RFX3: variants seen among roughly 807,000 people sequenced by gnomAD.
RFX3 encodes the protein regulatory factor X3, also known as transcription factor RFX3.
In RFX3, 14 loss-of-function variants were observed where a neutral mutation model predicts 98.6. That is an observed-to-expected ratio of 0.14 (90% CI 0.09 to 0.22). The LOEUF is 0.22. Among genes scored for constraint, RFX3 ranks in the 10% least tolerant of loss-of-function variants. RFX3 has a pLI of 1.00. For synonymous variants in RFX3, 383 were observed against 328.4 expected, an observed-to-expected ratio of 1.17 and a Z score of -1.80; for missense variants, 639 against 926.9, an observed-to-expected ratio of 0.69 and a Z score of 4.03.
chr9:3,476,530 A>T (rs539846613), intron 1 of RFX3, among the ~76,000 whole-genome samples: 2 of 152,244 alleles, frequency 1.3e-5, no homozygotes, highest in East Asian at 3.9e-4. Flanking sequence ...AAACCAAGTC[A>T]ATTTTAGAAA....
rs190009151 is a variant in RFX3, at chr9:3,490,263, C to T, written c.-9+35484G>A. 1,156 of 896,414 alleles carry T rather than the reference C, an allele frequency of 1.3e-3. 3 individuals carry two copies. Among genetic ancestry groups the T allele is most frequent in the Non-Finnish European group, 1.2e-3 (934 of 751,504 alleles). 55.5% of individuals were successfully genotyped at this position (896,414 alleles called of 1,614,324 possible). On this transcript the variant is annotated intron_variant, in intron 1 of 16. Coordinates refer to ENST00000617270, the MANE Select transcript of RFX3 (RefSeq NM_001282116.2). ...CACACAGTTCATTATTTATAAAGAACATGTGTTCAAATTACCTCATATTCC... is the reference window on the plus strand; with the variant it reads ...CACACAGTTCATTATTTATAAAGAATATGTGTTCAAATTACCTCATATTCC...
intron 4 of RFX3, among the ~76,000 whole-genome samples, chr9:3,319,176 T>C (rs1830976102): frequency 6.6e-6 from 1 of 152,226 alleles, no homozygotes; most frequent in Non-Finnish European, 1.5e-5. Flanking sequence ...AACAGGCTTT[T>C]AAAGTGTGGT....
At chr9:3,448,686 T>C (rs1044186136) in intron 1 of RFX3, among the ~76,000 whole-genome samples, 2 of 152,076 alleles carry the variant, frequency 1.3e-5, no homozygotes, top group South Asian at 2.1e-4. Context: ...ATCTGGCCAA[T>C]TCTTCAAATT....
intron 2 of RFX3, among the ~76,000 whole-genome samples, chr9:3,378,555 C>G (rs149005372): frequency 8.0e-6 from 1 of 125,088 alleles, no homozygotes; most frequent in South Asian, 2.6e-4. Flanking sequence ...TTTTTTCTTT[C>G]TTTTTTTTTT....
intron 4 of RFX3, among the ~76,000 whole-genome samples, chr9:3,308,122 T>A (rs748457625): frequency 3.3e-5 from 5 of 152,150 alleles, no homozygotes; most frequent in East Asian, 1.9e-4. Context: ...CTATATGTAA[T>A]CTATTAAATG....
chr9:3,508,956 GAC>G (rs373440025), intron 1 of RFX3, among the ~76,000 whole-genome samples: 18 of 147,648 alleles, frequency 1.2e-4, no homozygotes, highest in Non-Finnish European at 2.0e-4. Context: ...GTAAAACACA[GAC>G]ACACACACAC....
intron 4 of RFX3, among the ~76,000 whole-genome samples, chr9:3,310,069 C>T (rs1281394183): frequency 6.6e-6 from 1 of 152,182 alleles, no homozygotes; most frequent in Non-Finnish European, 1.5e-5. Context: ...TTCAGTAAAA[C>T]CTATGCCACT....
chr9:3,346,801 G>A (rs980096821), intron 2 of RFX3, 37 bp from the exon 3 acceptor site: 3 of 1,276,750 alleles, frequency 2.3e-6, no homozygotes, highest in African/African-American at 1.5e-5. Context: ...TAAGAGGTAG[G>A]TATGATAGGA....
chr9:3,415,212 TACTC>T (rs1842884071), intron 1 of RFX3, among the ~76,000 whole-genome samples: 1 of 126,650 alleles, frequency 7.9e-6, no homozygotes, highest in African/African-American at 3.7e-5. Flanking sequence ...TATATATACA[TACTC>T]ATATATATAT....
intron 4 of RFX3, among the ~76,000 whole-genome samples, chr9:3,325,162 C>T (rs1465010919): frequency 1.3e-5 from 2 of 151,980 alleles, no homozygotes; most frequent in African/African-American, 2.4e-5. Flanking sequence ...CCATTGGTAA[C>T]GTAGCAGCAA....
chr9:3,504,230 CTATAT>C (rs887844478), intron 1 of RFX3, among the ~76,000 whole-genome samples: 5 of 120,324 alleles, frequency 4.2e-5, no homozygotes, highest in Admixed American at 1.9e-4. Context: ...ATATTATATA[CTATAT>C]ATTATATATA....
intron 1 of RFX3, among the ~76,000 whole-genome samples, chr9:3,445,208 T>C (rs964828344): frequency 2.0e-5 from 3 of 149,644 alleles, no homozygotes; most frequent in African/African-American, 4.9e-5. Context: ...TTCAAATGTG[T>C]ATTTGTCTGT....
rs183248361 is a variant in RFX3 at position 3,242,773 on chromosome 9, A to C, written c.1968+5259T>G. On this transcript the variant is annotated intron_variant, in intron 15 of 16. Coordinates refer to ENST00000617270, the MANE Select transcript of RFX3 (RefSeq NM_001282116.2). ...TCCAAGACATTTTTCTTTTGATGTT[A>C]AATTGTTACAGGTTAAATTTTTCTC... 2.0e-5 allele frequency among the ~76,000 whole-genome samples: 3 copies of C among 152,200 alleles called. No individual in the cohort carries two copies. The East Asian group carries it at 5.8e-4, about 29-fold the overall frequency.
At chr9:3,510,228 G>A (rs753715081) in intron 1 of RFX3, among the ~76,000 whole-genome samples, 10 of 151,958 alleles carry the variant, frequency 6.6e-5, no homozygotes, top group Non-Finnish European at 1.2e-4. Context: ...CACTGAGAAA[G>A]AAAGATACTC....
intron 8 of RFX3, 129 bp from the exon 9 acceptor site, chr9:3,275,741 C>CCCCTGCT: frequency 1.9e-6 from 1 of 530,726 alleles, no homozygotes; most frequent in Non-Finnish European, 3.4e-6. Flanking sequence ...AGAGCAAGGA[C>CCCCTGCT]ATTTTATATT....
intron 7 of RFX3, among the ~76,000 whole-genome samples, chr9:3,280,590 T>G (rs1367509753): frequency 1.3e-5 from 2 of 151,788 alleles, no homozygotes; most frequent in African/African-American, 4.8e-5. Context: ...AACAATCACA[T>G]TAAAAACAGG....
At chr9:3,377,885 C>T (rs1388745366) in intron 2 of RFX3, among the ~76,000 whole-genome samples, 1 of 151,888 alleles carries the variant, frequency 6.6e-6, no homozygotes, top group Non-Finnish European at 1.5e-5. Context: ...ATTTTCAGTT[C>T]GGTAGTTTCT....
At chr9:3,237,246 C>A (rs1320325556) in intron 15 of RFX3, among the ~76,000 whole-genome samples, 1 of 152,098 alleles carries the variant, frequency 6.6e-6, no homozygotes, top group East Asian at 1.9e-4. Context: ...TTGTGTTTTT[C>A]AAAGCATTGA....
intron 2 of RFX3, among the ~76,000 whole-genome samples, chr9:3,368,032 G>T (rs1489664225): frequency 6.6e-6 from 1 of 152,140 alleles, no homozygotes; most frequent in Non-Finnish European, 1.5e-5. Flanking sequence ...GTTTACAAGA[G>T]AATTCAATAT....
Sources: gnomAD v4.1 joint callset for allele counts (sites outside exome capture counted in the v4.1 genomes callset) on GRCh38, gnomAD v4.1.1 for gene constraint, MANE v1.5 for transcripts, NCBI Gene and HGNC (gene_info 2026-07-23, HGNC 2026-07-21) for gene names.